Variants in PLD1 observed in about 807,000 individuals in gnomAD.
PLD1 encodes the protein phospholipase D1, also known as choline phosphatase 1.
A neutral mutation model predicts 137.1 loss-of-function variants in PLD1; 112 were observed. The ratio of observed to expected loss-of-function variants is 0.82; its 90% CI spans 0.70 to 0.96. PLD1 has a LOEUF of 0.96. Among genes scored for constraint, PLD1 ranks in the 40% least tolerant of loss-of-function variants. The pLI, the probability that PLD1 is intolerant of heterozygous loss-of-function variation, is 0.00. For missense variants in PLD1, 1,321 were observed against 1,342.0 expected, an observed-to-expected ratio of 0.98 and a Z score of 0.24; for synonymous variants, 431 against 454.7, an observed-to-expected ratio of 0.95 and a Z score of 0.66.
intron 6 of PLD1, among the ~76,000 whole-genome samples, chr3:171,727,948 A>G (rs1718663195): frequency 6.6e-6 from 1 of 152,216 alleles, no homozygotes; most frequent in Admixed American, 6.5e-5. Context: ...AAAAGGACTT[A>G]AATATCTTTT....
chr3:171,703,208 G>A lies in PLD1; in HGVS notation c.1146-3382C>T, dbSNP rs143203728. 9.6e-3 allele frequency among the ~76,000 whole-genome samples: 1,455 copies of A among 152,052 alleles called. 11 individuals carry two copies. The highest frequency in any genetic ancestry group is 0.017 in the Middle Eastern group (5 of 294). Reference sequence around the variant, plus strand: ...AAAAAACTTCCGTAGTGTAATAAAGGGTACCTATAAAAAAATCTATCTCTA... The same window carrying A: ...AAAAAACTTCCGTAGTGTAATAAAGAGTACCTATAAAAAAATCTATCTCTA... On this transcript the variant is annotated intron_variant, in intron 11 of 26. Coordinates refer to ENST00000351298, the MANE Select transcript of PLD1 (RefSeq NM_002662.5).
At chr3:171,701,059 A>G (rs908309229) in intron 11 of PLD1, among the ~76,000 whole-genome samples, 2 of 152,246 alleles carry the variant, frequency 1.3e-5, no homozygotes, top group African/African-American at 4.8e-5. Context: ...AGCATGTGAA[A>G]TCAACAGTGC....
intron 8 of PLD1, among the ~76,000 whole-genome samples, chr3:171,714,862 G>A (rs1000352823): frequency 2.6e-5 from 4 of 152,006 alleles, no homozygotes; most frequent in Non-Finnish European, 5.9e-5. Context: ...AAGGAAAAAC[G>A]TCAAGGTCAC....
intron 1 of PLD1, among the ~76,000 whole-genome samples, chr3:171,764,903 G>A (rs113375322): frequency 0.28 from 9,567 of 34,362 alleles, 2,195 homozygotes; most frequent in Admixed American, 0.33. Flanking sequence ...AAGGAAGGAA[G>A]GAAGGAAGGA....
At chr3:171,762,424 C>A (rs1721464725) in intron 1 of PLD1, among the ~76,000 whole-genome samples, 1 of 152,198 alleles carries the variant, frequency 6.6e-6, no homozygotes, top group Admixed American at 6.5e-5. Flanking sequence ...TACTAAGTGT[C>A]AGGGGCTGGG....
chr3:171,751,733 G>A (rs1432120105), intron 1 of PLD1, among the ~76,000 whole-genome samples: 1 of 152,214 alleles, frequency 6.6e-6, no homozygotes, highest in Non-Finnish European at 1.5e-5. Context: ...AAGCGCGGTG[G>A]CTCACGCCTG....
chr3:171,805,359 G>A (rs545996855), intron 1 of PLD1, among the ~76,000 whole-genome samples: 1 of 152,224 alleles, frequency 6.6e-6, no homozygotes, highest in Non-Finnish European at 1.5e-5. Flanking sequence ...GACCTGCCAT[G>A]ACCCAGTCGG....
At chr3:171,619,727 A>G (rs1733428427) in intron 24 of PLD1, among the ~76,000 whole-genome samples, 1 of 152,130 alleles carries the variant, frequency 6.6e-6, no homozygotes, top group Admixed American at 6.5e-5. Context: ...CACTTATGAC[A>G]CACTTTCCCT....
chr3:171,767,115 T>C (rs753806835), intron 1 of PLD1, among the ~76,000 whole-genome samples: 1 of 152,220 alleles, frequency 6.6e-6, no homozygotes, highest in Non-Finnish European at 1.5e-5. Flanking sequence ...AAATTAAAAC[T>C]AAACAATCAG....
chr3:171,613,705 A>T (rs1003285000), intron 24 of PLD1, among the ~76,000 whole-genome samples: 11 of 150,972 alleles, frequency 7.3e-5, no homozygotes, highest in African/African-American at 1.5e-4. Flanking sequence ...TTTTTTTTTT[A>T]AATCCAAGTG....
chr3:171,730,646 C>CTT (rs35101789), intron 6 of PLD1, among the ~76,000 whole-genome samples: 1 of 134,986 alleles, frequency 7.4e-6, no homozygotes, highest in Non-Finnish European at 1.6e-5. Context: ...TCTATCTCCA[C>CTT]TTTTTTTTTT....
chr3:171,604,428 T>C (rs73038027), intron 26 of PLD1, among the ~76,000 whole-genome samples: 7,200 of 151,664 alleles, frequency 0.047, 423 homozygotes, highest in African/African-American at 0.14. Context: ...AAGAGAAAAA[T>C]TGCGTATTTT....
intron 11 of PLD1, among the ~76,000 whole-genome samples, chr3:171,705,182 T>C (rs1039923515): frequency 2.0e-5 from 3 of 152,140 alleles, no homozygotes; most frequent in Non-Finnish European, 2.9e-5. Flanking sequence ...AAGATACTAT[T>C]TGTGTCACTG....
At chr3:171,668,997 G>A (rs1305223435) in intron 19 of PLD1, among the ~76,000 whole-genome samples, 2 of 152,166 alleles carry the variant, frequency 1.3e-5, no homozygotes, top group Non-Finnish European at 2.9e-5. Flanking sequence ...GCTCTTGGCA[G>A]GCTTCTGAGA....
intron 1 of PLD1, among the ~76,000 whole-genome samples, chr3:171,780,812 A>G (rs1016474739): frequency 4.6e-5 from 7 of 152,208 alleles, no homozygotes; most frequent in Non-Finnish European, 7.3e-5. Flanking sequence ...GCTGAGAGAA[A>G]TTAAAGACCT....
At chr3:171,792,896 T>C (rs183214796) in intron 1 of PLD1, 27 of 330,218 alleles carry the variant, frequency 8.2e-5, no homozygotes, top group African/African-American at 4.6e-4. Flanking sequence ...TGGCCCACGG[T>C]CATCAACAAG....
intron 21 of PLD1, among the ~76,000 whole-genome samples, chr3:171,647,126 T>C (rs1736297982): frequency 6.6e-6 from 1 of 152,230 alleles, no homozygotes; most frequent in Admixed American, 6.5e-5. Flanking sequence ...ATAAGCTCCT[T>C]TGAAACACAG....
At chr3:171,661,867 A>C (rs1377943326) in intron 20 of PLD1, among the ~76,000 whole-genome samples, 193 bp downstream of exon 20, 1 of 152,206 alleles carries the variant, frequency 6.6e-6, no homozygotes, top group Non-Finnish European at 1.5e-5. Flanking sequence ...AGTTAATGAC[A>C]ATGCAGAGCC....
At chr3:171,694,630 A>C (rs1332890572) in intron 12 of PLD1, among the ~76,000 whole-genome samples, 8 of 152,120 alleles carry the variant, frequency 5.3e-5, no homozygotes, top group Admixed American at 5.2e-4. Flanking sequence ...TAAATAGTAG[A>C]ACATTACACC....
Sources: allele counts gnomAD v4.1 joint callset (sites outside exome capture counted in the v4.1 genomes callset), GRCh38; gene constraint gnomAD v4.1.1; transcripts MANE v1.5; gene names NCBI Gene and HGNC (gene_info 2026-07-23, HGNC 2026-07-21).